EML4: variants seen among roughly 807,000 people sequenced by gnomAD.
EML4 encodes echinoderm microtubule-associated protein-like 4.
EML4 carries 72 observed loss-of-function variants against 129.0 expected under a neutral mutation model. That is an observed-to-expected ratio of 0.56 (90% CI 0.46 to 0.68). The LOEUF (loss-of-function observed/expected upper bound fraction) is 0.68, where lower values mean the gene tolerates loss of function less well. EML4 is among the 30% of genes least tolerant of loss of function. The pLI is 0.00. For synonymous variants in EML4, 532 were observed against 405.0 expected, an observed-to-expected ratio of 1.31 and a Z score of -3.77; for missense variants, 1,363 against 1,190.6, an observed-to-expected ratio of 1.14 and a Z score of -2.13.
Position 42,330,868 on chromosome 2 carries a change from C to T in EML4, c.*661C>T, listed in dbSNP as rs1174718023. 9.7e-6 allele frequency: 2 copies of T among 206,264 alleles called. No individual in the cohort carries two copies. The highest frequency in any genetic ancestry group is 2.0e-5 in the Non-Finnish European group (2 of 100,676). The allele number at this position is 206,264 out of a possible 1,614,324, so 12.8% of individuals were successfully genotyped here. ...ATAATGAGGAACAGTCCCTTAATTT[C>T]TTGTGTGCAACTCTGTTTTATCCTA... On this transcript the variant is annotated 3_prime_UTR_variant, in exon 23 of 23. Coordinates refer to ENST00000318522, the MANE Select transcript of EML4 (RefSeq NM_019063.5).
intron 1 of EML4, among the ~76,000 whole-genome samples, chr2:42,235,440 G>A (rs1212626717): frequency 6.6e-6 from 1 of 152,154 alleles, no homozygotes; most frequent in East Asian, 1.9e-4. Context: ...TCCAGCCTGG[G>A]CAACAGAGCC....
At chr2:42,281,380 A>G (rs1666996050) in intron 7 of EML4, among the ~76,000 whole-genome samples, 1 of 149,476 alleles carries the variant, frequency 6.7e-6, no homozygotes, top group Admixed American at 6.6e-5. Context: ...GCGACCGGGG[A>G]AAACTCTGTC....
intron 13 of EML4, among the ~76,000 whole-genome samples, chr2:42,299,656 C>T (rs1668167795): frequency 6.6e-6 from 1 of 152,034 alleles, no homozygotes; most frequent in Non-Finnish European, 1.5e-5. Context: ...TCTTTTATGA[C>T]TTGCTTCTTT....
chr2:42,274,664 T>C (rs1210446205), intron 6 of EML4, among the ~76,000 whole-genome samples: 3 of 152,198 alleles, frequency 2.0e-5, no homozygotes, highest in Admixed American at 6.5e-5. Flanking sequence ...TGAACCATTT[T>C]GAAAATATGG....
At chr2:42,315,347 G>A (rs1019980414) in intron 17 of EML4, among the ~76,000 whole-genome samples, 1 of 152,030 alleles carries the variant, frequency 6.6e-6, no homozygotes, top group African/African-American at 2.4e-5. Flanking sequence ...TCCCAACTTA[G>A]TGTCTTCTTC....
At chr2:42,238,353 T>C (rs1175397100) in intron 1 of EML4, among the ~76,000 whole-genome samples, 1 of 152,176 alleles carries the variant, frequency 6.6e-6, no homozygotes, top group Non-Finnish European at 1.5e-5. Context: ...TACCATAATA[T>C]AGGAAATTAG....
chr2:42,264,723 T>G lies in EML4; in HGVS notation c.659T>G (p.Ile220Ser), dbSNP rs1665954934. 1.4e-6 allele frequency: 2 copies of G among 1,454,930 alleles called. No homozygotes were observed. Among genetic ancestry groups the G allele is most frequent in the South Asian group, 1.2e-5 (1 of 83,840 alleles). The allele number at this position is 1,454,930 out of a possible 1,614,324, so 90.1% of individuals were successfully genotyped here. ...TTTTCTAGGCATAAAGATGTCATCATCAACCAAGGTAAATTAAAAATCCTT... is the reference window on the plus strand; with the variant it reads ...TTTTCTAGGCATAAAGATGTCATCAGCAACCAAGGTAAATTAAAAATCCTT... ...KTADKHKDVI[I>S]NQEGEYIKMF... The change falls in exon 6 of 23, where the codon ATC becomes AGC. Residue 220 changes from isoleucine to serine, a missense_variant. Ile to Ser is a moderately radical substitution (Grantham distance 142, BLOSUM62 -2). Transcript: ENST00000318522.
intron 1 of EML4, among the ~76,000 whole-genome samples, chr2:42,184,343 C>A (rs1299381622): frequency 6.6e-6 from 1 of 151,548 alleles, no homozygotes; most frequent in Non-Finnish European, 1.5e-5. Flanking sequence ...ATTAGCTCGT[C>A]ATTTAACATT....
At chr2:42,227,049 G>C (rs1674010219) in intron 1 of EML4, among the ~76,000 whole-genome samples, 2 of 152,108 alleles carry the variant, frequency 1.3e-5, no homozygotes, top group African/African-American at 4.8e-5. Flanking sequence ...TACTGAACTT[G>C]TTTAATCCAG....
In EML4 at chr2:42,288,436, A is replaced by G. The variant is rs186592626; in HGVS notation, c.1218+114A>G. 5.1e-3 allele frequency: 2,468 copies of G among 483,914 alleles called. 13 individuals carry two copies. Among genetic ancestry groups the G allele is most frequent in the Non-Finnish European group, 7.6e-3 (2,065 of 272,358 alleles). The allele number at this position is 483,914 out of a possible 1,614,324, so 30.0% of individuals were successfully genotyped here. ...ATTCGTAAGTCGCAAAAGCAGATCT[A>G]CTAGCCAAATTCAGCAAATTTAGTG... On this transcript the variant is annotated intron_variant, in intron 11 of 22. Transcript: ENST00000318522.
intron 1 of EML4, among the ~76,000 whole-genome samples, chr2:42,220,957 T>C (rs999570102): frequency 6.6e-6 from 1 of 152,112 alleles, no homozygotes; most frequent in African/African-American, 2.4e-5. Context: ...CTGAGAGACG[T>C]GAGGAAGCTG....
intron 7 of EML4, among the ~76,000 whole-genome samples, chr2:42,281,832 CAGA>C (rs761805993): frequency 6.6e-6 from 1 of 152,136 alleles, no homozygotes; most frequent in Non-Finnish European, 1.5e-5. Context: ...CTCAGTGAAA[CAGA>C]AGGAGTTGGT....
chr2:42,280,363 T>C (rs924145853), intron 6 of EML4, among the ~76,000 whole-genome samples: 3 of 152,250 alleles, frequency 2.0e-5, no homozygotes, highest in Non-Finnish European at 4.4e-5. Context: ...TAGGACTTTA[T>C]AGTATCACTT....
At chr2:42,199,792 G>T (rs1056403742) in intron 1 of EML4, among the ~76,000 whole-genome samples, 5 of 152,156 alleles carry the variant, frequency 3.3e-5, no homozygotes, top group African/African-American at 1.2e-4. Context: ...AGGAACCGAA[G>T]CGTCACAGAA....
intron 1 of EML4, among the ~76,000 whole-genome samples, chr2:42,219,694 G>C (rs1673436094): frequency 6.6e-6 from 1 of 152,100 alleles, no homozygotes; most frequent in Non-Finnish European, 1.5e-5. Flanking sequence ...GAGGTGGGCA[G>C]ATTACTTGAC....
intron 1 of EML4, among the ~76,000 whole-genome samples, chr2:42,183,780 C>T (rs1019393423): frequency 6.6e-6 from 1 of 151,562 alleles, no homozygotes; most frequent in African/African-American, 2.4e-5. Flanking sequence ...GGCTGTATTT[C>T]AATAAAATCT....
chr2:42,270,969 C>T (rs796485416), intron 6 of EML4, among the ~76,000 whole-genome samples: 1 of 152,106 alleles, frequency 6.6e-6, no homozygotes, highest in Non-Finnish European at 1.5e-5. Context: ...GATCACAGCT[C>T]ACTGCAGCCT....
At chr2:42,265,947 T>G (rs1666039206) in intron 6 of EML4, among the ~76,000 whole-genome samples, 1 of 152,246 alleles carries the variant, frequency 6.6e-6, no homozygotes, top group South Asian at 2.1e-4. Context: ...CTCTTTAGAT[T>G]GCCTGCAAAT....
chr2:42,250,169 A>G (rs576266062), intron 2 of EML4, among the ~76,000 whole-genome samples: 1 of 152,358 alleles, frequency 6.6e-6, no homozygotes, highest in East Asian at 1.9e-4. Flanking sequence ...GCAGTCAGTC[A>G]TGTAAACCAG....
Sources: allele counts gnomAD v4.1 joint callset (sites outside exome capture counted in the v4.1 genomes callset), GRCh38; gene constraint gnomAD v4.1.1; transcripts MANE v1.5; gene names NCBI Gene and HGNC (gene_info 2026-07-23, HGNC 2026-07-21).